Variants in PSD3 observed in about 807,000 individuals in gnomAD.
The protein encoded by PSD3 is PH and SEC7 domain-containing protein 3.
Under a neutral mutation model 105.5 loss-of-function variants are expected in PSD3, and 49 were observed. That is an observed-to-expected ratio of 0.46 (90% CI 0.37 to 0.59). The LOEUF is 0.59. Ranked by LOEUF, PSD3 falls within the 20% of genes least tolerant of loss-of-function variation. PSD3 has a pLI of 0.00. For missense variants in PSD3, 1,561 were observed against 1,263.8 expected (o/e 1.24, Z -3.57); for synonymous variants, 557 against 457.8 (o/e 1.22, Z -2.77).
rs926504677 is a variant in PSD3, at chr8:19,058,544, C to A, written c.324+25662G>T. On this transcript the variant is annotated intron_variant, in intron 1 of 1. Transcript: ENST00000521475. ...GTGTGTTAAAATTCATAGAACTGTA[C>A]ATACACACACACAGACACAAGTCAA... is the stretch of plus-strand genomic sequence containing the variant. 2.7e-5 allele frequency among the ~76,000 whole-genome samples: 4 copies of A among 150,848 alleles called. No individual in the cohort carries two copies. In the South Asian group the frequency reaches 8.3e-4, roughly 31 times the overall value.
intron 9 of PSD3, among the ~76,000 whole-genome samples, chr8:18,687,107 G>A (rs1438815209): frequency 6.6e-6 from 1 of 152,112 alleles, no homozygotes; most frequent in African/African-American, 2.4e-5. Flanking sequence ...TCAAATAAAG[G>A]AACTACTTTA....
intron 2 of PSD3, among the ~76,000 whole-genome samples, chr8:18,907,001 GAAT>G (rs1181813265): frequency 1.3e-5 from 2 of 152,040 alleles, no homozygotes; most frequent in African/African-American, 4.8e-5. Flanking sequence ...AAAGCTTATA[GAAT>G]AAGAAAATAA....
chr8:19,017,574 C>T (rs1364951537), upstream of PSD3, among the ~76,000 whole-genome samples: 1 of 152,190 alleles, frequency 6.6e-6, no homozygotes, highest in African/African-American at 2.4e-5. Flanking sequence ...TCCCTCCAAA[C>T]CCCTCAGTCC....
chr8:18,818,057 G>A (rs1051215146), intron 4 of PSD3, among the ~76,000 whole-genome samples: 4 of 152,172 alleles, frequency 2.6e-5, no homozygotes, highest in Admixed American at 2.0e-4. Flanking sequence ...CGGTTCAAGC[G>A]ATTCTCCCAC....
intron 12 of PSD3, among the ~76,000 whole-genome samples, chr8:18,591,716 T>A (rs1803623640): frequency 6.6e-6 from 1 of 152,110 alleles, no homozygotes; most frequent in South Asian, 2.1e-4. Context: ...GCATTCTGGC[T>A]TTTTGGAGGG....
intron 2 of PSD3, among the ~76,000 whole-genome samples, chr8:18,880,430 G>A (rs961612207): frequency 2.6e-5 from 4 of 152,194 alleles, no homozygotes; most frequent in African/African-American, 9.6e-5. Flanking sequence ...GGAATGTGAA[G>A]GATGTGTAGC....
chr8:18,650,009 T>C (rs993238035), intron 10 of PSD3, among the ~76,000 whole-genome samples: 71 of 152,290 alleles, frequency 4.7e-4, no homozygotes, highest in African/African-American at 1.7e-3. Flanking sequence ...AATTACCCAG[T>C]CTTAAGTATT....
At chr8:18,826,280 G>A (rs559695016) in intron 4 of PSD3, among the ~76,000 whole-genome samples, 1 of 152,208 alleles carries the variant, frequency 6.6e-6, no homozygotes, top group Admixed American at 6.5e-5. Flanking sequence ...GGGACTTCTT[G>A]GCCTCCGTAA....
At chr8:18,784,127 A>T (rs1479162546) in intron 8 of PSD3, among the ~76,000 whole-genome samples, 4 of 152,032 alleles carry the variant, frequency 2.6e-5, no homozygotes, top group African/African-American at 9.7e-5. Context: ...AGCATTTTTC[A>T]TGTACACTTT....
chr8:19,022,495 G>T (rs768743021), intron 1 of PSD3, among the ~76,000 whole-genome samples: 1 of 152,180 alleles, frequency 6.6e-6, no homozygotes, highest in Non-Finnish European at 1.5e-5. Flanking sequence ...CAGCAACTCT[G>T]GGAGTGTGGG....
intron 1 of PSD3, chr8:19,000,530 G>A (rs1826319123): frequency 6.6e-6 from 1 of 151,566 alleles, no homozygotes; most frequent in Non-Finnish European, 1.5e-5. Flanking sequence ...GTCTCTGCCA[G>A]AAGGGAAAGA....
At chr8:18,905,491 T>A (rs1213933817) in intron 2 of PSD3, among the ~76,000 whole-genome samples, 1 of 152,110 alleles carries the variant, frequency 6.6e-6, no homozygotes, top group African/African-American at 2.4e-5. Flanking sequence ...TCCCGGATAA[T>A]TTTTGTATTT....
At chr8:18,847,922 C>T (rs7007413) in intron 4 of PSD3, among the ~76,000 whole-genome samples, 67,526 of 151,970 alleles carry the variant, frequency 0.44, 15,517 homozygotes, top group Admixed American at 0.52. Context: ...CAGAAACAAT[C>T]GGGGAGACAT....
At chr8:18,565,309 C>T (rs1801667913) in intron 14 of PSD3, among the ~76,000 whole-genome samples, 1 of 152,162 alleles carries the variant, frequency 6.6e-6, no homozygotes, top group South Asian at 2.1e-4. Flanking sequence ...TGGAGAGCTA[C>T]ACCAGAAGGA....
intron 10 of PSD3, among the ~76,000 whole-genome samples, chr8:18,637,876 G>T (rs1426127690): frequency 6.6e-6 from 1 of 151,978 alleles, no homozygotes; most frequent in African/African-American, 2.4e-5. Context: ...TTCAGTACTG[G>T]GCCCAGCATG....
chr8:18,590,515 A>C (rs1390015336), intron 12 of PSD3, among the ~76,000 whole-genome samples: 1 of 152,194 alleles, frequency 6.6e-6, no homozygotes, highest in Non-Finnish European at 1.5e-5. Flanking sequence ...ATGTTGTCAC[A>C]AACTTCTGTA....
rs185659319 is a variant in PSD3, at chr8:18,528,914, C to T, written c.*6829G>A. On this transcript the variant is annotated 3_prime_UTR_variant, in exon 16 of 16. Transcript: ENST00000327040. ...TTCGGTTCCTTTCCATTTCCATCCT[C>T]GCTGTTGTTGCTGATGGAAAAGTGC... The T allele has an allele frequency of 7.2e-5, 11 of 152,568 alleles. No individual in the cohort carries two copies. Among genetic ancestry groups the T allele is most frequent in the Non-Finnish European group, 1.5e-4 (10 of 68,046 alleles). 9.5% of individuals were successfully genotyped at this position (152,568 alleles called of 1,614,324 possible).
intron 11 of PSD3, among the ~76,000 whole-genome samples, chr8:18,606,961 C>T (rs1222256173): frequency 1.3e-5 from 2 of 152,116 alleles, no homozygotes; most frequent in Non-Finnish European, 2.9e-5. Context: ...GTAGAGTATG[C>T]CCCCAAGGAA....
chr8:18,637,395 T>C (rs984945989), intron 10 of PSD3, among the ~76,000 whole-genome samples: 2 of 152,198 alleles, frequency 1.3e-5, no homozygotes, highest in Non-Finnish European at 2.9e-5. Flanking sequence ...AGATAATGTA[T>C]AGAGTCATGT....
Sources: allele counts gnomAD v4.1 joint callset (sites outside exome capture counted in the v4.1 genomes callset), GRCh38; gene constraint gnomAD v4.1.1; transcripts MANE v1.5; gene names NCBI Gene and HGNC (gene_info 2026-07-23, HGNC 2026-07-21).